The following RGS7 variants were observed in gnomAD, a reference collection of about 807,000 sequenced individuals.
The protein encoded by RGS7 is regulator of G-protein signaling 7.
Under a neutral mutation model 81.1 loss-of-function variants are expected in RGS7, and 27 were observed. The ratio of observed to expected loss-of-function variants is 0.33; its 90% CI spans 0.25 to 0.46. RGS7 has a LOEUF of 0.46. Ranked by LOEUF, RGS7 falls within the 20% of genes least tolerant of loss-of-function variation. The pLI, the probability that RGS7 is intolerant of heterozygous loss-of-function variation, is 1.00. For missense variants in RGS7, 396 were observed against 607.4 expected, an observed-to-expected ratio of 0.65 and a Z score of 3.66; for synonymous variants, 208 against 207.7, an observed-to-expected ratio of 1.00 and a Z score of -0.01.
intron 4 of RGS7, among the ~76,000 whole-genome samples, chr1:240,956,223 C>T (rs1571980113): frequency 1.3e-5 from 2 of 152,208 alleles, no homozygotes; most frequent in East Asian, 3.9e-4. Context: ...ACAAAAGCAA[C>T]AATGGGTTGC....
At chr1:240,901,354 C>T (rs373197257) in intron 6 of RGS7, among the ~76,000 whole-genome samples, 1 of 152,150 alleles carries the variant, frequency 6.6e-6, no homozygotes, top group East Asian at 1.9e-4. Flanking sequence ...GCAGAAATCA[C>T]CCGTCTTCTG....
At chr1:240,870,457 A>G (rs1664280000) in intron 6 of RGS7, among the ~76,000 whole-genome samples, 1 of 152,000 alleles carries the variant, frequency 6.6e-6, no homozygotes, top group Non-Finnish European at 1.5e-5. Context: ...CTTTCGCCTC[A>G]GCCTCCCGAG....
chr1:240,879,548 G>A (rs1219962421), intron 6 of RGS7, among the ~76,000 whole-genome samples: 1 of 151,968 alleles, frequency 6.6e-6, no homozygotes, highest in Non-Finnish European at 1.5e-5. Flanking sequence ...TCTCTCTGAT[G>A]GTATTTCTTT....
chr1:240,897,424 T>C (rs962170754), intron 6 of RGS7, among the ~76,000 whole-genome samples: 4 of 152,200 alleles, frequency 2.6e-5, no homozygotes, highest in Non-Finnish European at 4.4e-5. Context: ...GGGTCTGTCA[T>C]AAATAGCTCT....
At chr1:241,213,834 T>C (rs970546251) in intron 2 of RGS7, among the ~76,000 whole-genome samples, 1 of 152,204 alleles carries the variant, frequency 6.6e-6, no homozygotes, top group African/African-American at 2.4e-5. Flanking sequence ...GTGCAATCAC[T>C]GCTCACTGCA....
intron 2 of RGS7, among the ~76,000 whole-genome samples, chr1:241,239,351 T>A (rs899139313): frequency 5.9e-5 from 9 of 152,166 alleles, no homozygotes; most frequent in African/African-American, 2.2e-4. Context: ...GATGATGGCA[T>A]CTGCTGGTCA....
intron 3 of RGS7, among the ~76,000 whole-genome samples, chr1:241,030,373 T>TATATATATATATATATATAC (rs374223475): frequency 9.6e-5 from 13 of 135,238 alleles, no homozygotes; most frequent in South Asian, 2.3e-4. Context: ...TATATATATA[T>TATATATATATATATATATAC]ACATACACAC....
At chr1:241,154,651 T>A (rs1363704232) in intron 2 of RGS7, among the ~76,000 whole-genome samples, 2 of 152,240 alleles carry the variant, frequency 1.3e-5, no homozygotes, top group Admixed American at 1.3e-4. Context: ...AGGTGCGAGA[T>A]AATTAGAACC....
chr1:240,952,325 G>A (rs1266274224), intron 4 of RGS7, among the ~76,000 whole-genome samples: 1 of 152,028 alleles, frequency 6.6e-6, no homozygotes, highest in Non-Finnish European at 1.5e-5. Flanking sequence ...ATATGGATAA[G>A]TGAAATGAAC....
In RGS7 at chr1:241,163,891, T is replaced by C. The variant is rs2069952192; in HGVS notation, c.79-65129A>G. Among the ~76,000 whole-genome samples the C allele has an allele frequency of 6.6e-6, 1 of 151,170 alleles. No individual in the cohort carries two copies. Among genetic ancestry groups the C allele is most frequent in the African/African-American group, 2.5e-5 (1 of 40,526 alleles). On this transcript the variant is annotated intron_variant, in intron 2 of 18. Transcript: ENST00000440928. The surrounding 1 kb of genome is among the most constrained non-coding windows in gnomAD (Gnocchi z 4.6). ...GAAGCTGGAAGTCCTCTAATTCAGT[T>C]CCACTCTGACACTCTCTTCCTGGAG...
intron 18 of RGS7, among the ~76,000 whole-genome samples, chr1:240,795,785 A>G (rs1447461646): frequency 6.6e-6 from 1 of 152,232 alleles, no homozygotes; most frequent in East Asian, 1.9e-4. Flanking sequence ...TTTTAAGTGA[A>G]TAAAGAATGT....
Position 240,936,633 on chromosome 1 carries a change from T to G in RGS7, c.300A>C (p.Thr100=). 6.2e-7 allele frequency: 1 copy of G among 1,614,060 alleles called. No homozygotes were observed. Residue 100 remains threonine, a synonymous_variant, in exon 5 of 19, where the codon ACA becomes ACC. Transcript: ENST00000440928. The part of the protein sequence containing the change: ...YFFPISDHVL[T]LKDDGTFYRF... ...GGTAAAAGGTGCCATCATCCTTGAG[T>G]GTGAGGACATGATCTGAGATTGGAA...
At chr1:241,165,625 T>C (rs1236111374) in intron 2 of RGS7, among the ~76,000 whole-genome samples, 1 of 107,528 alleles carries the variant, frequency 9.3e-6, no homozygotes, top group African/African-American at 3.6e-5. Flanking sequence ...CTCTGGCGAT[T>C]GTTGTGGGGT....
At chr1:241,089,833 G>A (rs1211057364) in intron 3 of RGS7, among the ~76,000 whole-genome samples, 1 of 151,836 alleles carries the variant, frequency 6.6e-6, no homozygotes, top group African/African-American at 2.4e-5. Context: ...GTGAAACCCC[G>A]TCTCTACTAA....
intron 6 of RGS7, among the ~76,000 whole-genome samples, chr1:240,879,101 A>G (rs1665966813): frequency 1.3e-5 from 2 of 152,156 alleles, no homozygotes; most frequent in South Asian, 4.1e-4. Flanking sequence ...TTCATTCCAG[A>G]CTTGAATTTT....
intron 2 of RGS7, among the ~76,000 whole-genome samples, chr1:241,145,325 G>C (rs895335598): frequency 3.3e-5 from 5 of 152,132 alleles, no homozygotes; most frequent in African/African-American, 1.2e-4. Flanking sequence ...GCTCCAGGCA[G>C]AGTTTGAAGG....
At chr1:240,837,254 C>A (rs1347292999) in intron 9 of RGS7, among the ~76,000 whole-genome samples, 5 of 152,232 alleles carry the variant, frequency 3.3e-5, no homozygotes, top group Non-Finnish European at 5.9e-5. Context: ...AGCGTGGACA[C>A]TTTCCTGTGA....
chr1:241,223,464 G>C (rs1480083576), intron 2 of RGS7, among the ~76,000 whole-genome samples: 2 of 152,264 alleles, frequency 1.3e-5, no homozygotes, highest in African/African-American at 4.8e-5. Context: ...CCAGTTTAAA[G>C]AAGAAGATAG....
chr1:240,882,276 G>A (rs1262158258), intron 6 of RGS7, among the ~76,000 whole-genome samples: 1 of 152,088 alleles, frequency 6.6e-6, no homozygotes, highest in East Asian at 1.9e-4. Flanking sequence ...AATTCCTTTA[G>A]GACAGTTCTG....
Sources: gnomAD v4.1 joint callset for allele counts (sites outside exome capture counted in the v4.1 genomes callset) on GRCh38, gnomAD v4.1.1 for gene constraint, Gnocchi (gnomAD v3.1) non-coding constraint, MANE v1.5 for transcripts, NCBI Gene and HGNC (gene_info 2026-07-23, HGNC 2026-07-21) for gene names.